The following PAM variants were observed in gnomAD, a reference collection of about 807,000 sequenced individuals.
PAM encodes the protein peptidylglycine alpha-amidating monooxygenase, also known as peptidyl-glycine alpha-amidating monooxygenase.
A neutral mutation model predicts 122.1 loss-of-function variants in PAM; 72 were observed. The ratio of observed to expected loss-of-function variants is 0.59; its 90% CI spans 0.49 to 0.72. The LOEUF (loss-of-function observed/expected upper bound fraction) is 0.72, where lower values mean the gene tolerates loss of function less well. Ranked by LOEUF, PAM falls within the 30% of genes least tolerant of loss-of-function variation. The probability of loss-of-function intolerance (pLI) is 0.00; values close to 1 mark genes in which losing one functional copy is unlikely to be tolerated. For missense variants in PAM, 1,106 were observed against 1,183.7 expected (o/e 0.93, Z 0.96); for synonymous variants, 389 against 404.4 (o/e 0.96, Z 0.46).
At chr5:102,773,345 C>T (rs1274320215) in intron 1 of PAM, among the ~76,000 whole-genome samples, 1 of 152,098 alleles carries the variant, frequency 6.6e-6, no homozygotes, top group African/African-American at 2.4e-5. Flanking sequence ...TAGGAGTTAG[C>T]ATACTTTTCC....
chr5:102,804,005 G>A (rs749416509), intron 1 of PAM, among the ~76,000 whole-genome samples: 1 of 152,162 alleles, frequency 6.6e-6, no homozygotes, highest in Non-Finnish European at 1.5e-5. Flanking sequence ...GGAATGGTAG[G>A]GAGGAGAAAC....
chr5:102,914,469 T>C (rs1428629132), intron 5 of PAM, among the ~76,000 whole-genome samples: 1 of 152,072 alleles, frequency 6.6e-6, no homozygotes, highest in Non-Finnish European at 1.5e-5. Context: ...TTATACAGTA[T>C]ATGTCCAGGT....
intron 7 of PAM, among the ~76,000 whole-genome samples, chr5:102,932,602 C>T (rs866937260): frequency 6.7e-6 from 1 of 148,618 alleles, no homozygotes; most frequent in African/African-American, 2.5e-5. Context: ...TATATATCTG[C>T]ACTCCAGCCT....
chr5:102,895,402 G>A (rs1024555056), intron 3 of PAM, among the ~76,000 whole-genome samples: 1 of 151,736 alleles, frequency 6.6e-6, no homozygotes, highest in African/African-American at 2.4e-5. Context: ...ACAGTTTTGT[G>A]AATGTAGAAC....
At chr5:103,003,286 T>C in intron 17 of PAM, 137 bp downstream of exon 17, 1 of 533,868 alleles carries the variant, frequency 1.9e-6, no homozygotes, top group Non-Finnish European at 3.4e-6. Context: ...ATCCCATCTT[T>C]CATTTTCTAC....
chr5:102,818,947 A>G (rs1182930905), intron 1 of PAM, among the ~76,000 whole-genome samples: 1 of 152,214 alleles, frequency 6.6e-6, no homozygotes, highest in Non-Finnish European at 1.5e-5. Flanking sequence ...ACTTAAAAAC[A>G]TAACGAACTG....
intron 15 of PAM, among the ~76,000 whole-genome samples, chr5:102,979,232 G>T (rs1413354635): frequency 6.6e-6 from 1 of 152,076 alleles, no homozygotes; most frequent in African/African-American, 2.4e-5. Context: ...AATCTCATTT[G>T]CAATTAAAGA....
At chr5:102,818,274 A>G (rs1348271617) in intron 1 of PAM, among the ~76,000 whole-genome samples, 1 of 152,090 alleles carries the variant, frequency 6.6e-6, no homozygotes, top group African/African-American at 2.4e-5. Context: ...CATAACAAAG[A>G]GTATAATGGA....
intron 3 of PAM, among the ~76,000 whole-genome samples, chr5:102,885,703 A>G (rs1792842069): frequency 6.6e-6 from 1 of 151,980 alleles, no homozygotes; most frequent in African/African-American, 2.4e-5. Context: ...AGAGCAAAAA[A>G]TTTGTCTTAC....
At chr5:102,914,999 A>G (rs905161061) in intron 5 of PAM, among the ~76,000 whole-genome samples, 11 of 152,152 alleles carry the variant, frequency 7.2e-5, no homozygotes, top group African/African-American at 2.4e-4. Flanking sequence ...TTCTACCCCC[A>G]TAAGTTTACA....
At chr5:102,776,623 T>C (rs1757246354) in intron 1 of PAM, among the ~76,000 whole-genome samples, 1 of 152,076 alleles carries the variant, frequency 6.6e-6, no homozygotes, top group Non-Finnish European at 1.5e-5. Context: ...TTTGTCAGGT[T>C]TGTCTATTTT....
At chr5:102,849,513 G>A (rs1390540283) in intron 1 of PAM, among the ~76,000 whole-genome samples, 4 of 147,286 alleles carry the variant, frequency 2.7e-5, no homozygotes, top group Non-Finnish European at 5.9e-5. Context: ...AGCCGAGATC[G>A]CGCCACTGCA....
chr5:102,812,041 A>G (rs73185138), intron 1 of PAM, among the ~76,000 whole-genome samples: 2,170 of 152,336 alleles, frequency 0.014, 46 homozygotes, highest in African/African-American at 0.05. Flanking sequence ...CTTTAGAAAC[A>G]GAAGGGTAAT....
At chr5:102,809,219 T>C (rs1767118514) in intron 1 of PAM, among the ~76,000 whole-genome samples, 1 of 151,936 alleles carries the variant, frequency 6.6e-6, no homozygotes, top group African/African-American at 2.4e-5. Flanking sequence ...GTACATTCTG[T>C]GAAGAATGTA....
At chr5:102,890,626 G>A (rs1419385703) in intron 3 of PAM, among the ~76,000 whole-genome samples, 1 of 151,846 alleles carries the variant, frequency 6.6e-6, no homozygotes, top group Non-Finnish European at 1.5e-5. Flanking sequence ...TGATAATTTA[G>A]AATTGTTTAA....
At chr5:102,757,996 C>T (rs112694192) in intron 1 of PAM, among the ~76,000 whole-genome samples, 4,209 of 134,374 alleles carry the variant, frequency 0.031, 108 homozygotes, top group East Asian at 0.15. Context: ...GAGCTGTGAT[C>T]ATGCCACCAC....
At chr5:102,830,705 G>T (rs1467220645) in intron 1 of PAM, among the ~76,000 whole-genome samples, 1 of 152,142 alleles carries the variant, frequency 6.6e-6, no homozygotes, top group African/African-American at 2.4e-5. Flanking sequence ...ACACCATCAA[G>T]TCCCCAAGTT....
At chr5:103,026,728 C>T (rs1272746769) in intron 24 of PAM, among the ~76,000 whole-genome samples, 2 of 152,104 alleles carry the variant, frequency 1.3e-5, no homozygotes, top group African/African-American at 2.4e-5. Flanking sequence ...AATAAATCAA[C>T]CGAGCTCACA....
intron 1 of PAM, among the ~76,000 whole-genome samples, chr5:102,757,194 G>T (rs1412268341): frequency 2.6e-5 from 4 of 152,122 alleles, no homozygotes; most frequent in African/African-American, 9.7e-5. Flanking sequence ...GGGCATAGTG[G>T]CAGGCACCTG....
Sources: allele counts gnomAD v4.1 joint callset (sites outside exome capture counted in the v4.1 genomes callset), GRCh38; gene constraint gnomAD v4.1.1; transcripts MANE v1.5; gene names NCBI Gene and HGNC (gene_info 2026-07-23, HGNC 2026-07-21).